DYNLT2: variants seen among roughly 807,000 people sequenced by gnomAD.
DYNLT2 encodes dynein light chain Tctex-type protein 2.
A neutral mutation model predicts 24.3 loss-of-function variants in DYNLT2; 24 were observed. That is an observed-to-expected ratio of 0.99 (90% CI 0.71 to 1.39). The LOEUF (loss-of-function observed/expected upper bound fraction) is 1.39, where lower values mean the gene tolerates loss of function less well. Among genes scored for constraint, DYNLT2 ranks in the 40% most tolerant of loss-of-function variants. The probability of loss-of-function intolerance (pLI) is 0.00; values close to 1 mark genes in which losing one functional copy is unlikely to be tolerated. For missense variants in DYNLT2, 246 were observed against 234.5 expected, an observed-to-expected ratio of 1.05 and a Z score of -0.32; for synonymous variants, 85 against 85.4, an observed-to-expected ratio of 1.00 and a Z score of 0.03.
At chr6:169,745,776 T>C (rs7751569) in intron 1 of DYNLT2, among the ~76,000 whole-genome samples, 24 of 152,358 alleles carry the variant, frequency 1.6e-4, no homozygotes, top group African/African-American at 5.8e-4. Context: ...ATTAGGGTAA[T>C]GCTGACTTCA....
At chr6:169,744,890 T>G (rs1166644906) in intron 1 of DYNLT2, among the ~76,000 whole-genome samples, 1 of 152,188 alleles carries the variant, frequency 6.6e-6, no homozygotes, top group Admixed American at 6.5e-5. Context: ...CCCAGATAAA[T>G]GCTCTAACCT....
intron 1 of DYNLT2, among the ~76,000 whole-genome samples, chr6:169,747,246 A>G (rs1159548140): frequency 6.6e-6 from 1 of 151,922 alleles, no homozygotes; most frequent in African/African-American, 2.4e-5. Flanking sequence ...TTTTTAAGTC[A>G]CTGGTTTCAA....
chr6:169,748,998 T>C (rs921967334), intron 1 of DYNLT2, among the ~76,000 whole-genome samples: 21 of 152,220 alleles, frequency 1.4e-4, no homozygotes, highest in South Asian at 4.1e-4. Flanking sequence ...TCTACTGATA[T>C]AGCATTTCCT....
chr6:169,741,342 A>G (rs935744049), intron 3 of DYNLT2, among the ~76,000 whole-genome samples: 6 of 152,162 alleles, frequency 3.9e-5, no homozygotes, highest in African/African-American at 1.4e-4. Context: ...GCTGGCTCAC[A>G]TGCAGGAGAA....
At chr6:169,751,042 A>T in intron 1 of DYNLT2, 1 of 328,502 alleles carries the variant, frequency 3.0e-6, no homozygotes, top group South Asian at 5.6e-5. Context: ...ACTCTCAGGA[A>T]ATCCGCAAGC....
chr6:169,747,682 CAT>C (rs1432158902), intron 1 of DYNLT2, among the ~76,000 whole-genome samples: 4 of 152,168 alleles, frequency 2.6e-5, no homozygotes, highest in South Asian at 2.1e-4. Context: ...ATAATAACTT[CAT>C]ATGATTAAAT....
intron 1 of DYNLT2, 98 bp from the exon 2 acceptor site, chr6:169,744,372 AG>A (rs1376541005): frequency 1.0e-6 from 1 of 994,976 alleles, no homozygotes; most frequent in Non-Finnish European, 1.5e-6. Flanking sequence ...ACAGTGGGAC[AG>A]GGCTCACACA....
the DYNLT2 span, among the ~76,000 whole-genome samples, chr6:169,728,008 T>A: frequency 6.6e-6 from 1 of 152,226 alleles, no homozygotes; most frequent in East Asian, 1.9e-4. Context: ...GTTTCCAGGA[T>A]GCCAAGTGTT....
the DYNLT2 span, among the ~76,000 whole-genome samples, chr6:169,726,745 C>A: frequency 6.6e-6 from 1 of 152,086 alleles, no homozygotes; most frequent in East Asian, 1.9e-4. Flanking sequence ...TATTTTATGG[C>A]AAGCCAAGTA....
At chr6:169,734,326 T>C in the DYNLT2 span, among the ~76,000 whole-genome samples, 7 of 152,330 alleles carry the variant, frequency 4.6e-5, no homozygotes, top group Admixed American at 2.0e-4. Context: ...TTATGTTGAA[T>C]AGAAGTGGTG....
chr6:169,731,974 T>C, the DYNLT2 span, among the ~76,000 whole-genome samples: 1 of 152,228 alleles, frequency 6.6e-6, no homozygotes, highest in Admixed American at 6.5e-5. Context: ...AGTCTATCTA[T>C]GAGGCAGTCA....
At chr6:169,749,361 A>T (rs1026483395) in intron 1 of DYNLT2, 1 of 152,252 alleles carries the variant, frequency 6.6e-6, no homozygotes, top group African/African-American at 2.4e-5. Flanking sequence ...TTGGCCTCCC[A>T]AAGTGGGGAT....
At chr6:169,725,091 T>G in the DYNLT2 span, 1 of 398,478 alleles carries the variant, frequency 2.5e-6, no homozygotes, top group Non-Finnish European at 4.4e-6. Flanking sequence ...GGAGCCGGTG[T>G]ATTTCAGCTG....
intron 1 of DYNLT2, chr6:169,750,508 G>A (rs531377010): frequency 6.6e-6 from 1 of 152,124 alleles, no homozygotes; most frequent in Non-Finnish European, 1.5e-5. Context: ...ATCTTAAAAT[G>A]TTTTAGGGTC....
chr6:169,746,529 C>T (rs1316692434), intron 1 of DYNLT2, among the ~76,000 whole-genome samples: 1 of 152,138 alleles, frequency 6.6e-6, no homozygotes, highest in Admixed American at 6.5e-5. Context: ...ATTTCCATTT[C>T]TATGCTTACA....
chr6:169,740,374 A>T (rs917112110), intron 3 of DYNLT2, 79 bp from the exon 4 acceptor site: 13 of 813,936 alleles, frequency 1.6e-5, no homozygotes, highest in Non-Finnish European at 2.6e-5. Context: ...CTAGTTTTTT[A>T]AAAATGAATG....
chr6:169,727,345 T>C, the DYNLT2 span, among the ~76,000 whole-genome samples: 1 of 152,144 alleles, frequency 6.6e-6, no homozygotes, highest in Non-Finnish European at 1.5e-5. Flanking sequence ...TAGCACATGT[T>C]GGTATACTGA....
In DYNLT2 at chr6:169,744,217, C is replaced by T. The variant is rs200990438; in HGVS notation, c.178G>A (p.Glu60Lys). The change falls in exon 2 of 4, where the codon GAG becomes AAG. Residue 60 changes from glutamate to lysine, a missense_variant. Coordinates refer to ENST00000366774, the MANE Select transcript of DYNLT2 (RefSeq NM_174910.3). ...GCAATTGAGTCATCAAAAGGAGGCT[C>T]CACATACTGAACATTGTGAATTGAC... ...RESIHNVQYV[E>K]PPFDDSIADI... is the part of the protein sequence containing the mutation. The T allele has an allele frequency of 3.7e-6, 6 of 1,613,724 alleles. No homozygotes were observed. The highest frequency in any genetic ancestry group is 5.1e-6 in the Non-Finnish European group (6 of 1,179,948).
chr6:169,727,954 C>T, the DYNLT2 span, among the ~76,000 whole-genome samples: 1 of 152,070 alleles, frequency 6.6e-6, no homozygotes, highest in African/African-American at 2.4e-5. Context: ...GAGAGAGATA[C>T]AGAAGATCTG....
Sources: allele counts gnomAD v4.1 joint callset (sites outside exome capture counted in the v4.1 genomes callset), GRCh38; gene constraint gnomAD v4.1.1; transcripts MANE v1.5; gene names NCBI Gene and HGNC (gene_info 2026-07-23, HGNC 2026-07-21).